The following YLPM1 variants were observed in gnomAD, a reference collection of about 807,000 sequenced individuals.
The protein encoded by YLPM1 is YLP motif containing 1, also known as YLP motif-containing protein 1.
Under a neutral mutation model 230.0 loss-of-function variants are expected in YLPM1, and 99 were observed. That is an observed-to-expected ratio of 0.43 (90% CI 0.37 to 0.51). The LOEUF is 0.51. YLPM1 is among the 20% of genes least tolerant of loss of function. YLPM1 has a pLI of 0.00. For synonymous variants in YLPM1, 984 were observed against 942.5 expected (o/e 1.04, Z -0.81); for missense variants, 2,592 against 2,707.7 (o/e 0.96, Z 0.95).
intron 17 of YLPM1, among the ~76,000 whole-genome samples, chr14:74,822,899 A>G (rs1015608177): frequency 6.6e-6 from 1 of 152,114 alleles, no homozygotes; most frequent in Non-Finnish European, 1.5e-5. Context: ...TTAGTGCTTC[A>G]GTGAACCTAG....
intron 1 of YLPM1, among the ~76,000 whole-genome samples, chr14:74,776,999 T>C (rs957274660): frequency 6.6e-6 from 1 of 151,910 alleles, no homozygotes; most frequent in Non-Finnish European, 1.5e-5. Flanking sequence ...GAGGTGGCAG[T>C]GAGCTGAAAC....
At position 74,781,496 on chromosome 14, in the gene YLPM1, T is replaced by C. The variant is rs1478913058; in HGVS notation, c.1453T>C (p.Trp485Arg). 2.5e-6 allele frequency: 4 copies of C among 1,613,784 alleles called. No homozygotes were observed. Among genetic ancestry groups the C allele is most frequent in the East Asian group, 2.2e-5 (1 of 44,876 alleles). The stretch of plus-strand genomic sequence containing the variant: ...GGAGTATGAGAAGCAGTGGAAAACA[T>C]GGCAGGGACATATGAAAGCCACTCA... The part of the protein sequence containing the change: ...LQEYEKQWKT[W>R]QGHMKATQSY... The change falls in exon 4 of 21, where the codon TGG (tryptophan) becomes CGG (arginine). Residue 485 changes from tryptophan to arginine, a missense_variant. Around this residue, in one of 4 missense-constraint regions of YLPM1, gnomAD observed 1,862 missense variants for 1,819.8 expected, o/e 1.02. Coordinates refer to ENST00000325680, the MANE Select transcript of YLPM1 (RefSeq NM_019589.3).
chr14:74,780,261 C>A, intron 2 of YLPM1, 144 bp from the exon 3 acceptor site: 1 of 997,028 alleles, frequency 1.0e-6, no homozygotes, highest in Non-Finnish European at 1.4e-6. Context: ...TAGCTGTTCT[C>A]AATCCAAAAA....
At chr14:74,826,435 C>T (rs1377802524) in intron 18 of YLPM1, among the ~76,000 whole-genome samples, 1 of 152,110 alleles carries the variant, frequency 6.6e-6, no homozygotes, top group African/African-American at 2.4e-5. Flanking sequence ...TCCAATTACT[C>T]TTGGAAAATG....
In YLPM1 at chr14:74,781,387, T is replaced by G. The variant is rs372799581; in HGVS notation, c.1344T>G (p.Phe448Leu). 6.3e-7 allele frequency: 1 copy of G among 1,591,010 alleles called. No homozygotes were observed. Among genetic ancestry groups the G allele is most frequent in the South Asian group, 1.1e-5 (1 of 88,076 alleles). ...LRHYEMQQQQ[F>L]QHLYQEWERE... Reference sequence around the variant, plus strand: ...ATTATGAGATGCAGCAGCAACAGTTTCAACATCTTTACCAAGAATGGGAGC... The same window carrying G: ...ATTATGAGATGCAGCAGCAACAGTTGCAACATCTTTACCAAGAATGGGAGC... Residue 448 changes from phenylalanine to leucine, a missense_variant, in exon 4 of 21, where the codon TTT becomes TTG. Phe to Leu is a conservative substitution (Grantham distance 22). Around this residue, in one of 4 missense-constraint regions of YLPM1, gnomAD observed 1,862 missense variants for 1,819.8 expected, o/e 1.02. Transcript: ENST00000325680.
intron 1 of YLPM1, among the ~76,000 whole-genome samples, chr14:74,765,112 T>G (rs781135417): frequency 1.3e-5 from 2 of 152,182 alleles, no homozygotes; most frequent in Admixed American, 1.3e-4. Context: ...AAAAAAAGTT[T>G]GGTGATATCT....
intron 4 of YLPM1, 83 bp downstream of exon 4, chr14:74,782,408 C>T (rs1450614652): frequency 2.1e-6 from 3 of 1,412,426 alleles, no homozygotes; most frequent in Admixed American, 2.6e-5. Flanking sequence ...GTATAAAAAG[C>T]TTCATTTATA....
chr14:74,804,175 A>AC (rs2091355299), intron 6 of YLPM1, among the ~76,000 whole-genome samples: 1 of 152,136 alleles, frequency 6.6e-6, no homozygotes, highest in African/African-American at 2.4e-5. Context: ...ACAAAACAAA[A>AC]CAAAATTCTC....
chr14:74,784,905 T>A (rs1309189790), intron 4 of YLPM1, among the ~76,000 whole-genome samples: 2 of 152,242 alleles, frequency 1.3e-5, no homozygotes, highest in Admixed American at 6.5e-5. Flanking sequence ...TTGAAGGGCC[T>A]TTAGTTTGTT....
rs372259639 is a variant in YLPM1, at chr14:74,835,330, C to T, written c.6360C>T (p.Val2120=). Residue 2120 remains valine, a synonymous_variant, in exon 20 of 21, where the codon GTC becomes GTT. Coordinates refer to ENST00000325680, the MANE Select transcript of YLPM1 (RefSeq NM_019589.3). ...ADRKRAIGFV[V]GQTDWEKITD... ...GGAAAAGGGCCATAGGTTTTGTGGT[C>T]GGACAGACTGATTGGGAGAAGATCA... The T allele has an allele frequency of 1.9e-4, 310 of 1,613,556 alleles. No individual in the cohort carries two copies. Among genetic ancestry groups the T allele is most frequent in the Non-Finnish European group, 2.4e-4 (289 of 1,179,748 alleles).
chr14:74,766,976 C>T (rs1394619260), intron 1 of YLPM1, among the ~76,000 whole-genome samples: 8 of 150,906 alleles, frequency 5.3e-5, no homozygotes, highest in Non-Finnish European at 1.2e-4. Context: ...CTCTGCCTCC[C>T]GGGTTCAAGC....
chr14:74,828,946 C>T (rs1220574970), intron 18 of YLPM1, among the ~76,000 whole-genome samples: 2 of 152,134 alleles, frequency 1.3e-5, no homozygotes, highest in African/African-American at 4.8e-5. Context: ...AGGCCAGGAG[C>T]CAAGTGCCTT....
intron 1 of YLPM1, among the ~76,000 whole-genome samples, chr14:74,777,243 C>G (rs1411996578): frequency 6.6e-6 from 1 of 151,950 alleles, no homozygotes; most frequent in Non-Finnish European, 1.5e-5. Context: ...AAAGCTAAGG[C>G]TTTTAAAATA....
Position 74,836,627 on chromosome 14 carries a change from C to G in YLPM1, c.*889C>G, listed in dbSNP as rs1303736520. The G allele has an allele frequency of 6.6e-6, 1 of 152,554 alleles. No homozygotes were observed. The highest frequency in any genetic ancestry group is 1.5e-5 in the Non-Finnish European group (1 of 68,026). The allele number at this position is 152,554 out of a possible 1,614,324, so 9.5% of individuals were successfully genotyped here. On this transcript the variant is annotated 3_prime_UTR_variant, in exon 21 of 21. Coordinates refer to ENST00000325680, the MANE Select transcript of YLPM1 (RefSeq NM_019589.3). ...CAGAACTGATGTATTCTGTGGAACTCAAGCTTGTTGCCTTCATTTGAACTT... is the reference window on the plus strand; with the variant it reads ...CAGAACTGATGTATTCTGTGGAACTGAAGCTTGTTGCCTTCATTTGAACTT...
Position 74,763,796 on chromosome 14 carries a change from C to T in YLPM1, c.307C>T (p.Pro103Ser). 3 of 1,511,282 alleles carry T rather than the reference C, an allele frequency of 2.0e-6. No homozygotes were observed. Among genetic ancestry groups the T allele is most frequent in the Non-Finnish European group, 2.7e-6 (3 of 1,130,880 alleles). The allele number at this position is 1,511,282 out of a possible 1,614,324, so 93.6% of individuals were successfully genotyped here. The change falls in exon 1 of 21, where the codon CCA becomes TCA. Residue 103 changes from proline (P) to serine (S), a missense_variant. By Grantham distance (74) the Pro-to-Ser change is moderately conservative. This residue lies in a region of YLPM1 where 1,862 missense variants were observed against 1,819.8 expected (regional missense o/e 1.02). Transcript: ENST00000325680. ...GGGCGGCTACGGAGACTGGCAGCCG[C>T]CACCGCCACCGATGCCCCCGCCACC... ...PGGGYGDWQP[P>S]PPPMPPPPGP...
intron 19 of YLPM1, among the ~76,000 whole-genome samples, chr14:74,829,564 T>TGC (rs2091592490): frequency 2.0e-5 from 3 of 152,134 alleles, no homozygotes; most frequent in African/African-American, 7.2e-5. Flanking sequence ...GGCTAGCACG[T>TGC]TGTCAACCTT....
intron 1 of YLPM1, among the ~76,000 whole-genome samples, chr14:74,765,996 C>T (rs2090907838): frequency 6.6e-6 from 1 of 152,140 alleles, no homozygotes; most frequent in African/African-American, 2.4e-5. Context: ...CTCTGTTTCC[C>T]CTTAGAGTTG....
chr14:74,812,540 T>C (rs2091442810), intron 10 of YLPM1, 88 bp from the exon 11 acceptor site: 8 of 1,296,026 alleles, frequency 6.2e-6, no homozygotes, highest in Non-Finnish European at 8.0e-6. Context: ...TTGGTTTGAA[T>C]TATATTACCT....
At chr14:74,769,670 G>T (rs1055444893) in intron 1 of YLPM1, among the ~76,000 whole-genome samples, 4 of 151,212 alleles carry the variant, frequency 2.6e-5, no homozygotes, top group Admixed American at 2.6e-4. Context: ...TGATCCACCT[G>T]CTACGGCCTC....
Sources: gnomAD v4.1 joint callset for allele counts (sites outside exome capture counted in the v4.1 genomes callset) on GRCh38, gnomAD v4.1.1 for gene constraint, gnomAD v4.1.1 regional missense constraint, MANE v1.5 for transcripts, NCBI Gene and HGNC (gene_info 2026-07-23, HGNC 2026-07-21) for gene names.